The following BIRC6 variants were observed in gnomAD, a reference collection of about 807,000 sequenced individuals.
BIRC6 encodes the protein dual E2 ubiquitin-conjugating enzyme/E3 ubiquitin-protein ligase BIRC6.
A neutral mutation model predicts 503.3 loss-of-function variants in BIRC6; 98 were observed. The observed-to-expected ratio is 0.19, with a 90% confidence interval of 0.17 to 0.23. BIRC6 has a LOEUF of 0.23. Ranked by LOEUF, BIRC6 falls within the 10% of genes least tolerant of loss-of-function variation. The pLI, the probability that BIRC6 is intolerant of heterozygous loss-of-function variation, is 1.00. For synonymous variants in BIRC6, 2,240 were observed against 2,078.7 expected, an observed-to-expected ratio of 1.08 and a Z score of -2.11; for missense variants, 5,360 against 5,806.0, an observed-to-expected ratio of 0.92 and a Z score of 2.50.
rs968161532 is a variant in BIRC6 at position 32,537,831 on chromosome 2, T to A, written c.12292-5410T>A. Among the ~76,000 whole-genome samples, 3 of 151,402 alleles carry A rather than the reference T, an allele frequency of 2.0e-5. No homozygotes were observed. The East Asian group carries it at 5.8e-4, about 29-fold the overall frequency. On this transcript the variant is annotated intron_variant, in intron 61 of 73. Coordinates refer to ENST00000421745, the MANE Select transcript of BIRC6 (RefSeq NM_016252.4). ...AATACAAAAAATTAGCCGGGCGGGG[T>A]GGCAGGTGCCTGTAGTCCCAGCTAC...
At chr2:32,540,222 CTG>C (rs1559009419) in intron 61 of BIRC6, among the ~76,000 whole-genome samples, 1 of 151,994 alleles carries the variant, frequency 6.6e-6, no homozygotes, top group Admixed American at 6.5e-5. Flanking sequence ...CCAATTTAAA[CTG>C]AAACTCATTT....
intron 65 of BIRC6, chr2:32,563,599 G>A (rs2059342170): frequency 1.3e-5 from 2 of 152,230 alleles, no homozygotes; most frequent in African/African-American, 4.8e-5. Flanking sequence ...ATAAAAAGGA[G>A]CAAATGTATA....
intron 65 of BIRC6, among the ~76,000 whole-genome samples, chr2:32,556,845 A>T (rs1291210668): frequency 6.6e-6 from 1 of 152,136 alleles, no homozygotes; most frequent in African/African-American, 2.4e-5. Flanking sequence ...AGGTTGAGGC[A>T]CAAGAATTGC....
intron 66 of BIRC6, among the ~76,000 whole-genome samples, chr2:32,592,261 T>TATA (rs1179325898): frequency 1.3e-5 from 2 of 152,220 alleles, no homozygotes; most frequent in African/African-American, 4.8e-5. Flanking sequence ...TGACTTCTTA[T>TATA]AACTCAGGGA....
At chr2:32,575,092 C>T (rs1412364441) in intron 65 of BIRC6, 64 bp from the exon 66 acceptor site, 2 of 1,540,996 alleles carry the variant, frequency 1.3e-6, no homozygotes, top group South Asian at 1.1e-5. Flanking sequence ...AAGCTACATT[C>T]CTGTGGACCT....
intron 66 of BIRC6, among the ~76,000 whole-genome samples, chr2:32,581,002 T>C (rs922635571): frequency 7.2e-5 from 11 of 152,358 alleles, no homozygotes; most frequent in South Asian, 6.2e-4. Context: ...TGTTCTCATA[T>C]ACGAATCCGA....
At chr2:32,389,025 G>C in intron 4 of BIRC6, 82 bp downstream of exon 4, 3 of 970,986 alleles carry the variant, frequency 3.1e-6, no homozygotes, top group Non-Finnish European at 4.1e-6. Flanking sequence ...AGAAAATCTG[G>C]TTATGATTTT....
intron 45 of BIRC6, 148 bp downstream of exon 45, chr2:32,493,815 G>T: frequency 1.6e-6 from 1 of 613,260 alleles, no homozygotes; most frequent in Non-Finnish European, 2.7e-6. Context: ...ATATTGGTGT[G>T]TTTCCTGATT....
intron 1 of BIRC6, among the ~76,000 whole-genome samples, chr2:32,376,371 C>T (rs952159337): frequency 4.6e-5 from 7 of 152,086 alleles, no homozygotes; most frequent in African/African-American, 1.7e-4. Context: ...ATATGTACTA[C>T]AGCTAATTTT....
chr2:32,382,905 A>G (rs577589292), intron 3 of BIRC6, among the ~76,000 whole-genome samples: 42 of 148,064 alleles, frequency 2.8e-4, no homozygotes, highest in Non-Finnish European at 5.7e-4. Flanking sequence ...TGCATTTTTA[A>G]TAGACATGGG....
chr2:32,598,528 C>T (rs936562341), intron 69 of BIRC6, among the ~76,000 whole-genome samples: 2 of 152,000 alleles, frequency 1.3e-5, no homozygotes, highest in East Asian at 1.9e-4. Context: ...AATATATAAT[C>T]TCTACTTTTA....
At chr2:32,396,205 GTAGGTAC>G (rs2039863084) in intron 6 of BIRC6, among the ~76,000 whole-genome samples, 1 of 152,138 alleles carries the variant, frequency 6.6e-6, no homozygotes, top group Non-Finnish European at 1.5e-5. Context: ...TCCCTGTGAA[GTAGGTAC>G]TATTGTAATC....
intron 61 of BIRC6, among the ~76,000 whole-genome samples, chr2:32,538,447 A>G (rs1427842348): frequency 6.6e-6 from 1 of 152,232 alleles, no homozygotes; most frequent in Non-Finnish European, 1.5e-5. Flanking sequence ...TACATTAGGA[A>G]TAAAGGCTAC....
intron 55 of BIRC6, 69 bp from the exon 56 acceptor site, chr2:32,518,161 CTTATTCATATTTTCTGTTTCCTTT>C: frequency 3.3e-6 from 4 of 1,208,186 alleles, no homozygotes; most frequent in Non-Finnish European, 4.6e-6. Context: ...TTAAAATAAA[CTTATTCATATTTTCTGTTTCCTTT>C]TTATCTTTCA....
intron 65 of BIRC6, among the ~76,000 whole-genome samples, chr2:32,554,165 AAG>A (rs2058628106): frequency 6.6e-6 from 1 of 152,150 alleles, no homozygotes; most frequent in Non-Finnish European, 1.5e-5. Flanking sequence ...CTTTTTTGAG[AAG>A]AGAGCATATT....
intron 4 of BIRC6, among the ~76,000 whole-genome samples, chr2:32,390,875 C>G (rs1051348113): frequency 6.6e-6 from 1 of 152,124 alleles, no homozygotes; most frequent in Non-Finnish European, 1.5e-5. Flanking sequence ...ACATATATAA[C>G]TTTTATTAGT....
At chr2:32,500,562 C>T (rs996703467) in intron 46 of BIRC6, among the ~76,000 whole-genome samples, 12 of 150,636 alleles carry the variant, frequency 8.0e-5, no homozygotes, top group Admixed American at 1.3e-4. Flanking sequence ...GGATTACAGG[C>T]GTGTGTGCCA....
intron 66 of BIRC6, among the ~76,000 whole-genome samples, chr2:32,582,979 G>C (rs1446002460): frequency 6.6e-6 from 1 of 152,104 alleles, no homozygotes; most frequent in African/African-American, 2.4e-5. Context: ...TTTTGAAACA[G>C]TAGACTTTAA....
At chr2:32,453,686 G>A in intron 22 of BIRC6, 122 bp from the exon 23 acceptor site, 2 of 952,226 alleles carry the variant, frequency 2.1e-6, no homozygotes, top group South Asian at 3.2e-5. Flanking sequence ...TTCAAGCACT[G>A]TGTAAGAGTT....
Sources: gnomAD v4.1 joint callset for allele counts (sites outside exome capture counted in the v4.1 genomes callset) on GRCh38, gnomAD v4.1.1 for gene constraint, MANE v1.5 for transcripts, NCBI Gene and HGNC (gene_info 2026-07-23, HGNC 2026-07-21) for gene names.